Variants in NKAIN2 observed in about 807,000 individuals in gnomAD.
NKAIN2 encodes the protein sodium/potassium transporting ATPase interacting 2, also known as sodium/potassium-transporting ATPase subunit beta-1-interacting protein 2.
NKAIN2 carries 14 observed loss-of-function variants against 32.6 expected under a neutral mutation model. That is an observed-to-expected ratio of 0.43 (90% confidence interval 0.28 to 0.67). NKAIN2 has a LOEUF of 0.67. Ranked by LOEUF, NKAIN2 falls within the 30% of genes least tolerant of loss-of-function variation. NKAIN2 has a pLI of 0.17. For synonymous variants in NKAIN2, 80 were observed against 87.2 expected, an observed-to-expected ratio of 0.92 and a Z score of 0.46; for missense variants, 198 against 258.3, an observed-to-expected ratio of 0.77 and a Z score of 1.60.
intron 3 of NKAIN2, among the ~76,000 whole-genome samples, chr6:124,508,733 A>G (rs1434276272): frequency 6.6e-6 from 1 of 152,188 alleles, no homozygotes; most frequent in Non-Finnish European, 1.5e-5. Flanking sequence ...GGAGGCTAGC[A>G]GTGAAATCAA....
At chr6:123,979,669 C>A (rs907594418) in intron 1 of NKAIN2, among the ~76,000 whole-genome samples, 1 of 152,130 alleles carries the variant, frequency 6.6e-6, no homozygotes, top group African/African-American at 2.4e-5. Context: ...TTGTTTTGTT[C>A]TTCATGTGTA....
At chr6:124,056,773 C>T (rs1460605913) in intron 1 of NKAIN2, among the ~76,000 whole-genome samples, 1 of 151,880 alleles carries the variant, frequency 6.6e-6, no homozygotes, top group Non-Finnish European at 1.5e-5. Flanking sequence ...CATCTTCATG[C>T]CTCTCAAACG....
chr6:124,526,999 T>C (rs926719838), intron 3 of NKAIN2, among the ~76,000 whole-genome samples: 12 of 152,154 alleles, frequency 7.9e-5, no homozygotes, highest in African/African-American at 2.9e-4. Flanking sequence ...GTGTCTTAAG[T>C]ACCACAGTAC....
At chr6:124,267,648 A>G (rs1231392290) in intron 1 of NKAIN2, among the ~76,000 whole-genome samples, 1 of 152,238 alleles carries the variant, frequency 6.6e-6, no homozygotes, top group African/African-American at 2.4e-5. Flanking sequence ...TAAAGATACA[A>G]TAAACTTCTC....
At chr6:124,695,597 C>T (rs1010434323) in intron 4 of NKAIN2, among the ~76,000 whole-genome samples, 14 of 152,096 alleles carry the variant, frequency 9.2e-5, no homozygotes, top group Admixed American at 3.9e-4. Context: ...TATTTTAAAA[C>T]GAGAGTTCTG....
At chr6:124,345,640 C>T (rs9388323) in intron 2 of NKAIN2, among the ~76,000 whole-genome samples, 19,824 of 151,370 alleles carry the variant, frequency 0.13, 1,379 homozygotes, top group African/African-American at 0.19. Flanking sequence ...TTGTAGTATT[C>T]TCTGATGGTA....
intron 1 of NKAIN2, among the ~76,000 whole-genome samples, chr6:123,853,477 A>G (rs1478710670): frequency 3.9e-5 from 6 of 152,230 alleles, no homozygotes; most frequent in Non-Finnish European, 7.3e-5. Flanking sequence ...AACATTTATT[A>G]TATTATAATG....
intron 1 of NKAIN2, among the ~76,000 whole-genome samples, chr6:124,091,509 AT>A (rs1304120288): frequency 6.6e-6 from 1 of 152,042 alleles, no homozygotes; most frequent in Non-Finnish European, 1.5e-5. Flanking sequence ...CTAAACATTG[AT>A]TTTCCATCAA....
At chr6:123,855,159 G>T (rs1413596628) in intron 1 of NKAIN2, among the ~76,000 whole-genome samples, 1 of 152,278 alleles carries the variant, frequency 6.6e-6, no homozygotes, top group East Asian at 1.9e-4. Flanking sequence ...TTGGAAATCA[G>T]TTCTTTGCCA....
intron 1 of NKAIN2, among the ~76,000 whole-genome samples, chr6:124,068,336 T>A (rs1783287879): frequency 2.0e-5 from 3 of 152,172 alleles, no homozygotes. Context: ...TGTAATATTT[T>A]ACATTTTGAT....
chr6:123,804,749 G>C (rs1251607391), intron 1 of NKAIN2, among the ~76,000 whole-genome samples: 1 of 151,728 alleles, frequency 6.6e-6, no homozygotes, highest in Non-Finnish European at 1.5e-5. Context: ...CCACTGTTTA[G>C]GGCACATGGT....
intron 3 of NKAIN2, among the ~76,000 whole-genome samples, chr6:124,440,814 C>G (rs1463214327): frequency 2.0e-5 from 3 of 152,026 alleles, no homozygotes; most frequent in Non-Finnish European, 4.4e-5. Flanking sequence ...TATGTTCTCT[C>G]TCAGAATCAA....
intron 4 of NKAIN2, among the ~76,000 whole-genome samples, chr6:124,695,862 T>C (rs1453680547): frequency 6.6e-6 from 1 of 152,196 alleles, no homozygotes; most frequent in Non-Finnish European, 1.5e-5. Context: ...AAAGACTGGT[T>C]AACAAGAGAA....
intron 3 of NKAIN2, among the ~76,000 whole-genome samples, chr6:124,616,625 C>T (rs1782913630): frequency 6.6e-6 from 1 of 150,712 alleles, no homozygotes; most frequent in Admixed American, 6.6e-5. Context: ...CCACCACGCC[C>T]GGCTAATTTT....
chr6:124,077,978 A>G (rs1783772381), intron 1 of NKAIN2, among the ~76,000 whole-genome samples: 1 of 152,140 alleles, frequency 6.6e-6, no homozygotes, highest in Admixed American at 6.6e-5. Flanking sequence ...ATACCTTAGC[A>G]TTGAGGCTGA....
At chr6:124,481,240 G>A (rs1399359830) in intron 3 of NKAIN2, among the ~76,000 whole-genome samples, 1 of 150,822 alleles carries the variant, frequency 6.6e-6, no homozygotes, top group Non-Finnish European at 1.5e-5. Context: ...ATAATAAGTA[G>A]GCTAAGATAG....
chr6:124,340,092 A>G (rs1583075108), intron 2 of NKAIN2, among the ~76,000 whole-genome samples: 1 of 152,172 alleles, frequency 6.6e-6, no homozygotes, highest in African/African-American at 2.4e-5. Context: ...GAGACTTCCA[A>G]AACCAAATAG....
rs151137123 is a variant in NKAIN2, at chr6:124,367,702, G to A, written c.273+12355G>A. Among the ~76,000 whole-genome samples, 24 of 152,126 alleles carry A rather than the reference G, an allele frequency of 1.6e-4. No homozygotes were observed. The East Asian group carries it at 4.3e-3, about 27-fold the overall frequency. The stretch of plus-strand genomic sequence containing the variant: ...TAATTACTGGGAACTTCGACATAGG[G>A]CACAAGGTGAGTTCTTGATTTCTGG... On this transcript the variant is annotated intron_variant, in intron 3 of 6. Coordinates refer to ENST00000368417, the MANE Select transcript of NKAIN2 (RefSeq NM_001040214.3).
At chr6:123,921,277 T>C (rs1385356672) in intron 1 of NKAIN2, among the ~76,000 whole-genome samples, 1 of 152,196 alleles carries the variant, frequency 6.6e-6, no homozygotes, top group African/African-American at 2.4e-5. Flanking sequence ...ACAGGCTTTT[T>C]CCGTTGTCGA....
Sources: gnomAD v4.1 joint callset for allele counts (sites outside exome capture counted in the v4.1 genomes callset) on GRCh38, gnomAD v4.1.1 for gene constraint, MANE v1.5 for transcripts, NCBI Gene and HGNC (gene_info 2026-07-23, HGNC 2026-07-21) for gene names.